Variants in WWTR1 observed in about 807,000 individuals in gnomAD.
The protein encoded by WWTR1 is WW domain-containing transcription regulator protein 1.
Under a neutral mutation model 40.1 loss-of-function variants are expected in WWTR1, and 13 were observed. That is an observed-to-expected ratio of 0.32 (90% CI 0.21 to 0.52). WWTR1 has a LOEUF of 0.52. Among genes scored for constraint, WWTR1 ranks in the 20% least tolerant of loss-of-function variants. WWTR1 has a pLI of 0.97. For missense variants in WWTR1, 436 were observed against 523.1 expected (o/e 0.83, Z 1.63); for synonymous variants, 230 against 210.1 (o/e 1.09, Z -0.82).
At chr3:149,601,058 C>G (rs924813458) in intron 2 of WWTR1, among the ~76,000 whole-genome samples, 3 of 152,192 alleles carry the variant, frequency 2.0e-5, no homozygotes, top group African/African-American at 7.2e-5. Context: ...AAATTAATGA[C>G]TATTTTAACC....
At chr3:149,684,568 T>C (rs75857279) in intron 1 of WWTR1, among the ~76,000 whole-genome samples, 2 of 151,966 alleles carry the variant, frequency 1.3e-5, no homozygotes, top group Non-Finnish European at 2.9e-5. Flanking sequence ...ATTCTTTTTT[T>C]TTTTTTCCTT....
intron 3 of WWTR1, among the ~76,000 whole-genome samples, chr3:149,571,598 G>C (rs1576569590): frequency 6.6e-6 from 1 of 152,290 alleles, no homozygotes; most frequent in East Asian, 1.9e-4. Flanking sequence ...AGTAGGTTCA[G>C]ACTTCCTGGA....
chr3:149,698,156 T>A (rs928144162), intron 1 of WWTR1, among the ~76,000 whole-genome samples: 1 of 152,134 alleles, frequency 6.6e-6, no homozygotes, highest in Admixed American at 6.5e-5. Context: ...GTGGGTGATG[T>A]GGTTTGGCTC....
At chr3:149,644,318 C>T (rs918120053) in intron 2 of WWTR1, among the ~76,000 whole-genome samples, 1 of 152,202 alleles carries the variant, frequency 6.6e-6, no homozygotes, top group Admixed American at 6.5e-5. Context: ...AACTTTTCAG[C>T]AATTAAATCA....
At chr3:149,560,088 G>A (rs1166011863) in intron 3 of WWTR1, among the ~76,000 whole-genome samples, 1 of 152,148 alleles carries the variant, frequency 6.6e-6, no homozygotes, top group African/African-American at 2.4e-5. Context: ...ACATCCCAGG[G>A]TCAGAGCTGA....
At chr3:149,691,674 C>CA (rs201524355) in intron 1 of WWTR1, among the ~76,000 whole-genome samples, 26 of 149,936 alleles carry the variant, frequency 1.7e-4, no homozygotes, top group South Asian at 4.2e-4. Flanking sequence ...AGTATGCCAG[C>CA]AAAAAAAAAC....
chr3:149,682,135 C>T (rs1007303661), intron 1 of WWTR1, among the ~76,000 whole-genome samples: 2 of 152,152 alleles, frequency 1.3e-5, no homozygotes, highest in African/African-American at 2.4e-5. Context: ...GACTGATCCA[C>T]CATCTTCCAC....
chr3:149,562,926 G>A (rs1394229811), intron 3 of WWTR1, among the ~76,000 whole-genome samples: 4 of 152,066 alleles, frequency 2.6e-5, no homozygotes, highest in South Asian at 2.1e-4. Context: ...TACCAGGGAC[G>A]CCAAAGAGGA....
In WWTR1 at chr3:149,609,022, T is replaced by TA. The variant is rs1739611936; in HGVS notation, c.432-36023_432-36022insT. Among the ~76,000 whole-genome samples the TA allele has an allele frequency of 2.0e-5, 3 of 152,230 alleles. No individual in the cohort carries two copies. The South Asian group carries it at 6.2e-4, about 32-fold the overall frequency. ...AGGTAGAGGTAGCAGTGAGCCCTGA[T>TA]CACACCATTGCCCTCCTGCCTGGGT... On this transcript the variant is annotated intron_variant, in intron 2 of 6. Transcript: ENST00000360632.
At chr3:149,649,984 A>C (rs2108146850) in intron 2 of WWTR1, 1 of 151,726 alleles carries the variant, frequency 6.6e-6, no homozygotes, top group South Asian at 2.1e-4. Flanking sequence ...CTTGTCTCAA[A>C]CTCTTGGCCT....
intron 1 of WWTR1, among the ~76,000 whole-genome samples, chr3:149,695,091 T>C (rs937919745): frequency 2.6e-5 from 4 of 152,132 alleles, no homozygotes; most frequent in African/African-American, 9.7e-5. Flanking sequence ...CAATCATTTG[T>C]GAAAGGTAAA....
In WWTR1 at chr3:149,534,818, T is replaced by TA. The variant is rs34242579; in HGVS notation, c.772-6850dup. Among the ~76,000 whole-genome samples the TA allele has an allele frequency of 4.6e-5, 7 of 152,180 alleles. No individual in the cohort carries two copies. The South Asian group carries it at 1.2e-3, about 27-fold the overall frequency. Reference sequence around the variant, plus strand: ...CTGAAGTGAGTAATTATTTATGGGCTAAAAAATACCCTTTCCTAGCAGCTG... The same window carrying TA: ...CTGAAGTGAGTAATTATTTATGGGCTAAAAAAATACCCTTTCCTAGCAGCTG... On this transcript the variant is annotated intron_variant, in intron 4 of 6. Coordinates refer to ENST00000360632, the MANE Select transcript of WWTR1 (RefSeq NM_015472.6).
chr3:149,695,534 G>A (rs1268811692), intron 1 of WWTR1, among the ~76,000 whole-genome samples: 1 of 152,012 alleles, frequency 6.6e-6, no homozygotes, highest in Admixed American at 6.5e-5. Flanking sequence ...GCCAAGGCAG[G>A]CGAATCACTT....
At chr3:149,532,979 G>A (rs1309894466) in intron 4 of WWTR1, among the ~76,000 whole-genome samples, 5 of 152,238 alleles carry the variant, frequency 3.3e-5, no homozygotes, top group South Asian at 2.1e-4. Flanking sequence ...GCTGAGCATC[G>A]GTGGTGCAGC....
At chr3:149,704,810 C>G (rs1402618381), upstream of WWTR1, among the ~76,000 whole-genome samples, 3 of 150,794 alleles carry the variant, frequency 2.0e-5, no homozygotes, top group African/African-American at 7.3e-5. Flanking sequence ...CTGAAAAAAG[C>G]CCCTACCAAA....
At chr3:149,702,303 A>G (rs1014000175) in intron 1 of WWTR1, 1 of 152,176 alleles carries the variant, frequency 6.6e-6, no homozygotes, top group African/African-American at 2.4e-5. Flanking sequence ...CTGTACAAAC[A>G]ATATGCAAGT....
intron 3 of WWTR1, among the ~76,000 whole-genome samples, chr3:149,556,059 C>T (rs1736812569): frequency 6.6e-6 from 1 of 152,160 alleles, no homozygotes; most frequent in Non-Finnish European, 1.5e-5. Context: ...ATCAGAGCAG[C>T]CCATGTGGCT....
At chr3:149,548,620 T>C (rs1736476581) in intron 3 of WWTR1, among the ~76,000 whole-genome samples, 1 of 152,220 alleles carries the variant, frequency 6.6e-6, no homozygotes, top group South Asian at 2.1e-4. Flanking sequence ...TGGCGCCCAG[T>C]GGCTAGAAGT....
At chr3:149,642,447 G>A (rs771533760) in intron 2 of WWTR1, among the ~76,000 whole-genome samples, 1 of 150,618 alleles carries the variant, frequency 6.6e-6, no homozygotes, top group African/African-American at 2.4e-5. Context: ...ACGAAAGTAC[G>A]AATACCCAAA....
Sources: gnomAD v4.1 joint callset for allele counts (sites outside exome capture counted in the v4.1 genomes callset) on GRCh38, gnomAD v4.1.1 for gene constraint, MANE v1.5 for transcripts, NCBI Gene and HGNC (gene_info 2026-07-23, HGNC 2026-07-21) for gene names.